The following PSG6 variants were observed in gnomAD, a reference collection of about 807,000 sequenced individuals.
The protein encoded by PSG6 is pregnancy specific beta-1-glycoprotein 6, also known as pregnancy-specific beta-1-glycoprotein 6.
Under a neutral mutation model 43.3 loss-of-function variants are expected in PSG6, and 51 were observed. That is an observed-to-expected ratio of 1.18 (90% CI 0.94 to 1.49). The LOEUF (loss-of-function observed/expected upper bound fraction) is 1.49. PSG6 is among the 40% of genes most tolerant of loss of function. The pLI, the probability that PSG6 is intolerant of heterozygous loss-of-function variation, is 0.00. For synonymous variants in PSG6, 292 were observed against 197.6 expected, an observed-to-expected ratio of 1.48 and a Z score of -4.01; for missense variants, 770 against 522.2, an observed-to-expected ratio of 1.47 and a Z score of -4.62.
Position 42,908,468 on chromosome 19 carries a change from T to C in PSG6, c.707-614A>G, listed in dbSNP as rs1022461395. Among the ~76,000 whole-genome samples the C allele has an allele frequency of 3.2e-4, 48 of 151,710 alleles. 3 individuals carry two copies. The highest frequency in any genetic ancestry group is 7.4e-5 in the Non-Finnish European group (5 of 67,918). On this transcript the variant is annotated intron_variant, in intron 3 of 5. Transcript: ENST00000187910. ...CAGTTTTTTTGCAGGTGTTTCATGA[T>C]GACTTACTTGAACCAGTGACCTCTA... is the stretch of plus-strand genomic sequence containing the variant.
rs768478328 is a variant in PSG6, at chr19:42,907,115, G to A, written c.1047C>T (p.Leu349=). 39 of 1,612,646 alleles carry A rather than the reference G, an allele frequency of 2.4e-5. No homozygotes were observed. Among genetic ancestry groups the A allele is most frequent in the Admixed American group, 5.0e-5 (3 of 59,910 alleles). ...TAGAGTCCGCAAAGCAGGACAAGTC[G>A]AGGTTTTCTCCTGAACGGTAATAGG... is the stretch of plus-strand genomic sequence containing the variant. ...SFTYYRSGEN[L]DLSCFADSNP... is the part of the protein sequence containing the mutation. Residue 349 remains leucine, a synonymous_variant, in exon 5 of 6, where the codon CTC becomes CTT. Transcript: ENST00000187910.
rs971983580 is a variant in PSG6, at chr19:42,906,931, T to G, written c.1231A>C (p.Lys411Gln). 1 of 1,612,306 alleles carries G rather than the reference T, an allele frequency of 6.2e-7. No homozygotes were observed. Among genetic ancestry groups the G allele is most frequent in the East Asian group, 2.2e-5 (1 of 44,776 alleles). Residue 411 changes from lysine to glutamine, a missense_variant, in exon 5 of 6, where the codon AAA becomes CAA. Coordinates refer to ENST00000187910, the MANE Select transcript of PSG6 (RefSeq NM_001031850.4). ...GKEISKSMIVKVSGPCHGNQT... is the reference protein window; with the variant it reads ...GKEISKSMIVQVSGPCHGNQT... ...GCTGGGATCCACTTACCAGAGACTT[T>G]GACTATCATGGATTTGGAGATTTCC... is the stretch of plus-strand genomic sequence containing the variant.
rs755021949 is a variant in PSG6 at position 42,907,867 on chromosome 19, C to CAGAG, written c.707-14_707-13insCTCT. 7.5e-3 allele frequency: 12,012 copies of CAGAG among 1,610,790 alleles called. 986 individuals are homozygous for CAGAG. The African/African-American group carries it at 0.14, about 19-fold the overall frequency. On this transcript the variant is annotated splice_polypyrimidine_tract_variant and intron_variant, in intron 3 of 5. Transcript: ENST00000187910. ...ATGGGCAGCTTCGCTGTGTGGATAA[C>CAGAG]AGAAGATTGTCCTGTGTGGCACCTT...
rs1400598548 is a variant in PSG6 at position 42,902,232 on chromosome 19, A to G, written c.*180T>C. The G allele has an allele frequency of 1.2e-6, 1 of 812,012 alleles. No homozygotes were observed. Among genetic ancestry groups the G allele is most frequent in the Non-Finnish European group, 1.8e-6 (1 of 542,136 alleles). The allele number at this position is 812,012 out of a possible 1,614,324, so 50.3% of individuals were successfully genotyped here. ...ACTTTACCAATTGCTGAAGAAAAAA[A>G]GTTCATAAATCTGGAGAATAAAACA... is the stretch of plus-strand genomic sequence containing the variant. On this transcript the variant is annotated 3_prime_UTR_variant, in exon 6 of 6. Coordinates refer to ENST00000187910, the MANE Select transcript of PSG6 (RefSeq NM_001031850.4).
chr19:42,908,215 T>C (rs1332716868), intron 3 of PSG6, among the ~76,000 whole-genome samples: 2 of 151,548 alleles, frequency 1.3e-5, no homozygotes, highest in African/African-American at 4.9e-5. Flanking sequence ...CTGGGCCCCT[T>C]CCAAATTACA....
rs575806027 is a variant in PSG6 at position 42,911,268 on chromosome 19, G to C, written c.428-410C>G. On this transcript the variant is annotated intron_variant, in intron 2 of 5. Coordinates refer to ENST00000187910, the MANE Select transcript of PSG6 (RefSeq NM_001031850.4). ...CCCCCTGAGGTATGTTTTCTCATCA[G>C]CTTCCCTTGCCAAGGACATCCTAGA... Among the ~76,000 whole-genome samples the C allele has an allele frequency of 2.1e-4, 32 of 151,666 alleles. 2 individuals are homozygous for C. The South Asian group carries it at 5.5e-3, about 26-fold the overall frequency.
rs779876039 is a variant in PSG6, at chr19:42,910,602, G to A, written c.684C>T (p.Asp228=). Residue 228 remains aspartate, a synonymous_variant, in exon 3 of 6, where the codon GAC becomes GAT. Transcript: ENST00000187910. The stretch of plus-strand genomic sequence containing the variant: ...CACGGAGGAGATTCAGGGTGACTGG[G>A]TCACTGCGGCTGGCACTCACTGGGT... The part of the protein sequence containing the change: ...IRNPVSASRS[D]PVTLNLLPKL... 1.2e-6 allele frequency: 2 copies of A among 1,612,522 alleles called. No individual in the cohort carries two copies. Among genetic ancestry groups the A allele is most frequent in the East Asian group, 2.2e-5 (1 of 44,778 alleles).
intron 1 of PSG6, 75 bp downstream of exon 1, chr19:42,917,654 C>T: frequency 1.9e-6 from 3 of 1,583,086 alleles, no homozygotes; most frequent in Non-Finnish European, 2.6e-6. Context: ...TTTTAGAACC[C>T]CATCCTCTCC....
intron 2 of PSG6, among the ~76,000 whole-genome samples, chr19:42,913,653 C>T (rs1213909853): frequency 6.6e-6 from 1 of 151,678 alleles, no homozygotes; most frequent in Non-Finnish European, 1.5e-5. Flanking sequence ...GGCTTAATTG[C>T]TCCTATAATT....
intron 5 of PSG6, 176 bp downstream of exon 5, chr19:42,906,746 A>G (rs1405990492): frequency 5.8e-6 from 9 of 1,549,086 alleles, no homozygotes; most frequent in Non-Finnish European, 7.9e-6. Context: ...GAAAACAGAA[A>G]AACAAGCAGA....
intron 2 of PSG6, chr19:42,915,226 T>C (rs1834416775): frequency 6.8e-6 from 1 of 146,846 alleles, no homozygotes; most frequent in East Asian, 2.1e-4. Flanking sequence ...CTCAATCAAA[T>C]GAGCTAAATG....
At position 42,902,216 on chromosome 19, in the gene PSG6, A is replaced by G; in HGVS notation, c.*196T>C. On this transcript the variant is annotated 3_prime_UTR_variant, in exon 6 of 6. Coordinates refer to ENST00000187910, the MANE Select transcript of PSG6 (RefSeq NM_001031850.4). ...TTGTTTACAAAAGTATACTTTACCAATTGCTGAAGAAAAAAAGTTCATAAA... is the reference window on the plus strand; with the variant it reads ...TTGTTTACAAAAGTATACTTTACCAGTTGCTGAAGAAAAAAAGTTCATAAA... 1.5e-6 allele frequency: 1 copy of G among 677,902 alleles called. No homozygotes were observed. The highest frequency in any genetic ancestry group is 2.4e-6 in the Non-Finnish European group (1 of 424,956). The allele number at this position is 677,902 out of a possible 1,614,324, so 42.0% of individuals were successfully genotyped here. A position where few individuals can be genotyped will look rare whatever the true frequency, so the allele number is the denominator to read the frequency against.
chr19:42,905,881 G>A (rs930875831), intron 5 of PSG6, among the ~76,000 whole-genome samples: 4 of 151,594 alleles, frequency 2.6e-5, no homozygotes, highest in African/African-American at 9.7e-5. Context: ...GTTACATAGA[G>A]ACAGAAAGTA....
chr19:42,917,393 T>A (rs1972358042), intron 1 of PSG6, among the ~76,000 whole-genome samples: 1 of 144,776 alleles, frequency 6.9e-6, no homozygotes, highest in African/African-American at 2.6e-5. Flanking sequence ...AAATGGAGTC[T>A]CGTACTGTCA....
intron 1 of PSG6, 111 bp from the exon 2 acceptor site, chr19:42,916,598 A>G (rs1181650183): frequency 1.4e-6 from 2 of 1,380,222 alleles, no homozygotes; most frequent in Non-Finnish European, 9.9e-7. Flanking sequence ...GAAGATATGC[A>G]CACACACACA....
rs773501307 is a variant in PSG6 at position 42,907,188 on chromosome 19, A to G, written c.986-12T>C. 6.2e-7 allele frequency: 1 copy of G among 1,609,084 alleles called. No individual in the cohort carries two copies. The highest frequency in any genetic ancestry group is 8.5e-7 in the Non-Finnish European group (1 of 1,177,072). On this transcript the variant is annotated splice_polypyrimidine_tract_variant and intron_variant, in intron 4 of 5. Transcript: ENST00000187910. ...GAGGTCTGGACCATCTGGAGGAAAG[A>G]GAATAAAGCCACAGGTGATGTCATC... is the stretch of plus-strand genomic sequence containing the variant.
Position 42,907,626 on chromosome 19 carries a change from C to G in PSG6, c.935G>C (p.Arg312Pro), listed in dbSNP as rs151146504. The G allele has an allele frequency of 1.2e-6, 2 of 1,606,198 alleles. No homozygotes were observed. Among genetic ancestry groups the G allele is most frequent in the African/African-American group, 2.7e-5 (2 of 74,694 alleles). ...ACTGCGGATGCCACCATATCGGTCC[C>G]GTATTTCACATTGATAGGGTCCTGT... ...NETGPYQCEI[R>P]DRYGGIRSNP... Residue 312 changes from arginine to proline, a missense_variant, in exon 4 of 6, where the codon CGG (arginine) becomes CCG (proline). By Grantham distance (103) the Arg-to-Pro change is moderately radical. Coordinates refer to ENST00000187910, the MANE Select transcript of PSG6 (RefSeq NM_001031850.4).
intron 5 of PSG6, among the ~76,000 whole-genome samples, chr19:42,902,670 G>T (rs1459448439): frequency 2.0e-5 from 3 of 151,430 alleles, no homozygotes; most frequent in Non-Finnish European, 4.4e-5. Context: ...CTTTTTCACA[G>T]GAATCAGCTC....
At chr19:42,914,588 T>G (rs1344864165) in intron 2 of PSG6, among the ~76,000 whole-genome samples, 1 of 150,178 alleles carries the variant, frequency 6.7e-6, no homozygotes, top group Non-Finnish European at 1.5e-5. Context: ...TTGCATGAGG[T>G]GGGGTGGCTT....
Sources: gnomAD v4.1 joint callset for allele counts (sites outside exome capture counted in the v4.1 genomes callset) on GRCh38, gnomAD v4.1.1 for gene constraint, MANE v1.5 for transcripts, NCBI Gene and HGNC (gene_info 2026-07-23, HGNC 2026-07-21) for gene names.